CWC27: variants seen among roughly 807,000 people sequenced by gnomAD.
CWC27 encodes spliceosome-associated protein CWC27 homolog.
CWC27 carries 47 observed loss-of-function variants against 63.6 expected under a neutral mutation model. The ratio of observed to expected loss-of-function variants is 0.74; its 90% CI spans 0.58 to 0.94. The LOEUF is 0.94. Among genes scored for constraint, CWC27 ranks in the 40% least tolerant of loss-of-function variants. CWC27 has a pLI of 0.00. For synonymous variants in CWC27, 175 were observed against 179.8 expected, an observed-to-expected ratio of 0.97 and a Z score of 0.22; for missense variants, 495 against 554.3, an observed-to-expected ratio of 0.89 and a Z score of 1.07.
chr5:64,884,836 C>A (rs1353484293), intron 10 of CWC27, among the ~76,000 whole-genome samples: 7 of 152,164 alleles, frequency 4.6e-5, no homozygotes, highest in African/African-American at 1.7e-4. Context: ...CTAAGTTTGT[C>A]TTTAACACAT....
At chr5:64,953,128 C>T (rs1748742096) in intron 11 of CWC27, among the ~76,000 whole-genome samples, 1 of 151,978 alleles carries the variant, frequency 6.6e-6, no homozygotes, top group Non-Finnish European at 1.5e-5. Flanking sequence ...AAGATTTTGC[C>T]AGTCTGTGGT....
intron 11 of CWC27, among the ~76,000 whole-genome samples, chr5:64,887,930 ACT>A (rs1463231545): frequency 2.0e-5 from 3 of 152,164 alleles, no homozygotes; most frequent in Non-Finnish European, 4.4e-5. Context: ...TTTGCTAAGC[ACT>A]CTAACAAAAT....
In CWC27 at chr5:64,977,535, G is replaced by C. The variant is rs73111521; in HGVS notation, c.1256+297G>C. ...CAGTTCTAAGTAACTTTCTAATATT[G>C]TGGAAAAGATGAGACTCACATTAAA... On this transcript the variant is annotated intron_variant, in intron 13 of 13. Coordinates refer to ENST00000381070, the MANE Select transcript of CWC27 (RefSeq NM_005869.4). 9.7e-3 allele frequency among the ~76,000 whole-genome samples: 1,480 copies of C among 152,208 alleles called. 33 individuals are homozygous for C. The highest frequency in any genetic ancestry group is 0.034 in the African/African-American group (1,403 of 41,512).
At chr5:64,937,921 CTTTTTTTTTTT>C (rs1211082437) in intron 11 of CWC27, among the ~76,000 whole-genome samples, 9 of 99,296 alleles carry the variant, frequency 9.1e-5, no homozygotes, top group African/African-American at 3.5e-4. Flanking sequence ...GCAATCTCTG[CTTTTTTTTTTT>C]TTTTTTTTGC....
At chr5:64,843,168 A>C (rs1745889514) in intron 10 of CWC27, among the ~76,000 whole-genome samples, 1 of 152,222 alleles carries the variant, frequency 6.6e-6, no homozygotes, top group African/African-American at 2.4e-5. Flanking sequence ...GGAAGATAGT[A>C]AGTATTTTTG....
chr5:65,007,027 G>GA (rs1749860518), intron 13 of CWC27, among the ~76,000 whole-genome samples: 1 of 148,822 alleles, frequency 6.7e-6, no homozygotes, highest in African/African-American at 2.5e-5. Context: ...AGAAAGAAAA[G>GA]AAAGAAAGGA....
intron 10 of CWC27, among the ~76,000 whole-genome samples, chr5:64,834,455 G>A (rs572808643): frequency 6.6e-6 from 1 of 151,490 alleles, no homozygotes; most frequent in African/African-American, 2.4e-5. Context: ...CTCATATTTT[G>A]TTTTAACCTC....
At chr5:64,975,220 C>T (rs1471545693) in intron 12 of CWC27, among the ~76,000 whole-genome samples, 1 of 152,102 alleles carries the variant, frequency 6.6e-6, no homozygotes, top group Non-Finnish European at 1.5e-5. Context: ...TATTTTGACA[C>T]CATTTGTCTT....
chr5:64,991,397 TCAA>T (rs1222735965), intron 13 of CWC27, among the ~76,000 whole-genome samples: 13 of 152,114 alleles, frequency 8.5e-5, no homozygotes, highest in East Asian at 1.9e-4. Flanking sequence ...TTTGTTTAAC[TCAA>T]GTTGGAGTCT....
chr5:64,803,641 G>T (rs1744560153), intron 9 of CWC27, among the ~76,000 whole-genome samples: 1 of 152,146 alleles, frequency 6.6e-6, no homozygotes, highest in South Asian at 2.1e-4. Context: ...CTGGAATAGA[G>T]TATTTGTTTC....
intron 2 of CWC27, among the ~76,000 whole-genome samples, chr5:64,775,406 T>TTCC (rs1164120220): frequency 6.6e-6 from 1 of 152,302 alleles, no homozygotes; most frequent in African/African-American, 2.4e-5. Flanking sequence ...CTCAGGCAGC[T>TTCC]TGGCTTCCTA....
intron 11 of CWC27, among the ~76,000 whole-genome samples, chr5:64,949,121 A>G (rs1455506522): frequency 6.6e-6 from 1 of 151,902 alleles, no homozygotes; most frequent in East Asian, 1.9e-4. Context: ...CTTTTTAGAT[A>G]TGATTTTTTT....
chr5:64,939,851 G>C (rs995067791), intron 11 of CWC27, among the ~76,000 whole-genome samples: 2 of 152,210 alleles, frequency 1.3e-5, no homozygotes, highest in Non-Finnish European at 2.9e-5. Context: ...TCTGGCTACA[G>C]CGGCTTTGCC....
Position 65,007,205 on chromosome 5 carries a change from T to C in CWC27, c.1257-10954T>C, listed in dbSNP as rs183161527. 5.3e-5 allele frequency among the ~76,000 whole-genome samples: 8 copies of C among 152,254 alleles called. No individual in the cohort carries two copies. In the East Asian group the frequency reaches 1.5e-3, roughly 29 times the overall value. ...CCAATAACCCATAAGCCCAGTCTTA[T>C]CATGAGAAAAATGTTGAATTGCAGC... On this transcript the variant is annotated intron_variant, in intron 13 of 13. Transcript: ENST00000381070.
intron 9 of CWC27, among the ~76,000 whole-genome samples, chr5:64,803,761 C>A (rs926910799): frequency 6.6e-6 from 1 of 152,010 alleles, no homozygotes; most frequent in East Asian, 1.9e-4. Context: ...GAGTTGGGGA[C>A]CCACTAGAGG....
At chr5:64,962,879 G>C (rs79114728) in intron 11 of CWC27, among the ~76,000 whole-genome samples, 1 of 152,114 alleles carries the variant, frequency 6.6e-6, no homozygotes, top group Non-Finnish European at 1.5e-5. Flanking sequence ...GACCACCCTA[G>C]AGAGAGGGTC....
At chr5:64,834,091 G>A (rs145131263) in intron 10 of CWC27, among the ~76,000 whole-genome samples, 2,073 of 148,320 alleles carry the variant, frequency 0.014, 28 homozygotes, top group African/African-American at 0.038. Flanking sequence ...CATGCCCCTC[G>A]CTTTTTTTTT....
Position 64,818,837 on chromosome 5 carries a change from T to C in CWC27, c.938+14451T>C, listed in dbSNP as rs549595601. Among the ~76,000 whole-genome samples the C allele has an allele frequency of 4.6e-5, 7 of 152,316 alleles. No individual in the cohort carries two copies. The East Asian group carries it at 1.3e-3, about 29-fold the overall frequency. On this transcript the variant is annotated intron_variant, in intron 10 of 13. Coordinates refer to ENST00000381070, the MANE Select transcript of CWC27 (RefSeq NM_005869.4). The stretch of plus-strand genomic sequence containing the variant: ...GTTTGGCTTTATACTCATTCTCAGG[T>C]AGGATTTCTTAGTATTTTAGTGAAG...
At chr5:64,936,826 T>C (rs1748363899) in intron 11 of CWC27, among the ~76,000 whole-genome samples, 1 of 152,168 alleles carries the variant, frequency 6.6e-6, no homozygotes, top group African/African-American at 2.4e-5. Context: ...GTTTAGTCTT[T>C]GGAGGGTGTA....
Sources: allele counts gnomAD v4.1 joint callset (sites outside exome capture counted in the v4.1 genomes callset), GRCh38; gene constraint gnomAD v4.1.1; transcripts MANE v1.5; gene names NCBI Gene and HGNC (gene_info 2026-07-23, HGNC 2026-07-21).